PMPCB: variants seen among roughly 807,000 people sequenced by gnomAD.
The protein encoded by PMPCB is mitochondrial-processing peptidase subunit beta.
Under a neutral mutation model 61.5 loss-of-function variants are expected in PMPCB, and 46 were observed. The observed-to-expected ratio is 0.75, with a 90% CI of 0.59 to 0.96. The LOEUF (loss-of-function observed/expected upper bound fraction) is 0.96. Among genes scored for constraint, PMPCB ranks in the 40% least tolerant of loss-of-function variants. PMPCB has a pLI of 0.00. For synonymous variants in PMPCB, 191 were observed against 201.6 expected (o/e 0.95, Z 0.44); for missense variants, 590 against 602.4 (o/e 0.98, Z 0.22).
At position 103,322,536 on chromosome 7, in the gene PMPCB, C is replaced by T. The variant is rs376008208; in HGVS notation, c.*1432-6395C>T. ...TTTTTCTTTAGCTTCTTGCTCCTTC[C>T]GTTTAGCTTCTGCTTTTGCTTTCTT... On this transcript the variant is annotated intron_variant and NMD_transcript_variant, in intron 12 of 12. Coordinates refer to the PMPCB transcript ENST00000444457. 24 of 1,530,956 alleles carry T rather than the reference C, an allele frequency of 1.6e-5. No homozygotes were observed. The highest frequency in any genetic ancestry group is 1.2e-4 in the East Asian group (5 of 43,298). 94.8% of individuals were successfully genotyped at this position (1,530,956 alleles called of 1,614,324 possible).
intron 9 of PMPCB, 51 bp from the exon 10 acceptor site, chr7:103,311,592 C>G: frequency 7.5e-7 from 1 of 1,329,768 alleles, no homozygotes; most frequent in Non-Finnish European, 1.1e-6. Flanking sequence ...AGGTCATTAA[C>G]TCATGAAATA....
intron 8 of PMPCB, among the ~76,000 whole-genome samples, chr7:103,309,412 A>G (rs1473666733): frequency 2.6e-5 from 4 of 152,222 alleles, no homozygotes; most frequent in Admixed American, 2.6e-4. Context: ...CGTGGATTCA[A>G]CCAACCATAG....
downstream of PMPCB, among the ~76,000 whole-genome samples, chr7:103,315,393 C>T (rs1817992545): frequency 3.3e-5 from 5 of 152,074 alleles, no homozygotes; most frequent in Admixed American, 3.3e-4. Flanking sequence ...TTCCTTAACA[C>T]TTCTGTGTTT....
intron 4 of PMPCB, among the ~76,000 whole-genome samples, chr7:103,303,226 C>T (rs1216577440): frequency 6.6e-6 from 1 of 152,228 alleles, no homozygotes; most frequent in Non-Finnish European, 1.5e-5. Context: ...CACCCATCCT[C>T]CCATCTCAGC....
rs1817866100 is a variant in PMPCB, at chr7:103,313,350, C to CTGTT, written c.*1081_*1084dup. The CTGTT allele has an allele frequency of 8.6e-7, 1 of 1,166,170 alleles. No homozygotes were observed. Among genetic ancestry groups the CTGTT allele is most frequent in the African/African-American group, 1.6e-5 (1 of 62,862 alleles). The allele number at this position is 1,166,170 out of a possible 1,614,324, so 72.2% of individuals were successfully genotyped here. On this transcript the variant is annotated 3_prime_UTR_variant, in exon 13 of 13. Transcript: ENST00000249269. ...CACAATAGTAAAGATCTACCTTGTA[C>CTGTT]TGTTTATCTCTTAAAAATCAATGTA...
chr7:103,327,881 T>G, intron 12 of PMPCB: 1 of 567,374 alleles, frequency 1.8e-6, no homozygotes. Context: ...GTAAAATATA[T>G]GCTTATTCAA....
At chr7:103,330,184 A>G (rs1391380663), downstream of PMPCB, among the ~76,000 whole-genome samples, 2 of 152,154 alleles carry the variant, frequency 1.3e-5, no homozygotes, top group African/African-American at 4.8e-5. Flanking sequence ...CTGAGCTATA[A>G]TTTTGCTATA....
In PMPCB at chr7:103,309,095, G is replaced by A. The variant is rs1475050783; in HGVS notation, c.993G>A (p.Met331Ile). 1 of 1,583,274 alleles carries A rather than the reference G, an allele frequency of 6.3e-7. No homozygotes were observed. Among genetic ancestry groups the A allele is most frequent in the East Asian group, 2.3e-5 (1 of 43,986 alleles). Residue 331 changes from methionine to isoleucine, a missense_variant and splice_region_variant, in exon 8 of 13, where the codon ATG (methionine) becomes ATA (isoleucine). By Grantham distance (10) the Met-to-Ile change is conservative. Transcript: ENST00000249269. ...GNWDRSFGGG[M>I]NLSSKLAQLT... is the part of the protein sequence containing the mutation. ...GGGATCGCTCTTTTGGGGGAGGAAT[G>A]GTAAGTGATTTTAAAAGAAATTTTC...
chr7:103,339,516 A>C, the PMPCB span, among the ~76,000 whole-genome samples: 1 of 151,972 alleles, frequency 6.6e-6, no homozygotes, highest in Non-Finnish European at 1.5e-5. Flanking sequence ...ATCACTCTTC[A>C]TTCACTGTAA....
rs1046379688 is a variant in PMPCB, at chr7:103,314,567, T to A, written c.*2296T>A. Reference sequence around the variant, plus strand: ...GACTAGTGTGCTAATACCTGTTGTATTTTGTGGAGATAAAGGTGCAGGAGA... The same window carrying A: ...GACTAGTGTGCTAATACCTGTTGTAATTTGTGGAGATAAAGGTGCAGGAGA... On this transcript the variant is annotated 3_prime_UTR_variant, in exon 13 of 13. Transcript: ENST00000249269. The A allele has an allele frequency of 1.0e-6, 1 of 985,254 alleles. No homozygotes were observed. Among genetic ancestry groups the A allele is most frequent in the African/African-American group, 1.7e-5 (1 of 57,228 alleles). The allele number at this position is 985,254 out of a possible 1,614,324, so 61.0% of individuals were successfully genotyped here. A position where few individuals can be genotyped will look rare whatever the true frequency, so the allele number is the denominator to read the frequency against.
downstream of PMPCB, among the ~76,000 whole-genome samples, chr7:103,318,291 G>C (rs536680449): frequency 1.3e-5 from 2 of 152,204 alleles, no homozygotes; most frequent in South Asian, 4.1e-4. Flanking sequence ...TCAGCCTCCT[G>C]AGAAGTTGGG....
At chr7:103,333,734 G>A (rs957015101), downstream of PMPCB, among the ~76,000 whole-genome samples, 4 of 152,190 alleles carry the variant, frequency 2.6e-5, no homozygotes, top group Non-Finnish European at 5.9e-5. Context: ...TGAGCTTCAA[G>A]TAGATGTAAC....
intron 8 of PMPCB, among the ~76,000 whole-genome samples, chr7:103,310,024 A>G (rs1298387069): frequency 6.6e-6 from 1 of 152,242 alleles, no homozygotes; most frequent in African/African-American, 2.4e-5. Context: ...CAAGAGTCCT[A>G]GAAATTGGGT....
intron 6 of PMPCB, 107 bp downstream of exon 6, chr7:103,304,597 G>C (rs1398625306): frequency 1.3e-6 from 1 of 760,780 alleles, no homozygotes; most frequent in African/African-American, 1.7e-5. Flanking sequence ...CATTTACATA[G>C]CAAATAACTG....
downstream of PMPCB, among the ~76,000 whole-genome samples, chr7:103,314,995 GAC>G (rs1057265779): frequency 2.6e-5 from 4 of 151,998 alleles, no homozygotes; most frequent in Non-Finnish European, 4.4e-5. Context: ...CCTAAACAAA[GAC>G]ACACGTGATC....
downstream of PMPCB, among the ~76,000 whole-genome samples, chr7:103,333,649 T>C (rs60243432): frequency 1.3e-3 from 200 of 152,300 alleles, 7 homozygotes; most frequent in East Asian, 0.036. Flanking sequence ...CCTTGTACCC[T>C]TTTCCACTGG....
intron 4 of PMPCB, among the ~76,000 whole-genome samples, chr7:103,302,031 A>G (rs961164381): frequency 6.6e-6 from 1 of 152,096 alleles, no homozygotes. Flanking sequence ...ATTCCCACCT[A>G]TAAGTGAGAA....
intron 4 of PMPCB, among the ~76,000 whole-genome samples, chr7:103,302,792 A>C (rs1424724315): frequency 6.6e-6 from 1 of 152,182 alleles, no homozygotes; most frequent in Non-Finnish European, 1.5e-5. Flanking sequence ...AGTCTTGGCT[A>C]CTTGGAGGAA....
In PMPCB at chr7:103,297,821, A is replaced by G. The variant is rs1026731886; in HGVS notation, c.99+263A>G. The G allele has an allele frequency of 2.0e-6, 3 of 1,517,906 alleles. No individual in the cohort carries two copies. In the Admixed American group the frequency reaches 6.0e-5, roughly 30 times the overall value. The allele number at this position is 1,517,906 out of a possible 1,614,324, so 94.0% of individuals were successfully genotyped here. A position where few individuals can be genotyped will look rare whatever the true frequency, so the allele number is the denominator to read the frequency against. ...CCAGCTACTGAGGAGTGCATGTTTG[A>G]CCACTAAAAACGTAGTGCTTGCAAA... On this transcript the variant is annotated intron_variant, in intron 1 of 12. Coordinates refer to ENST00000249269, the MANE Select transcript of PMPCB (RefSeq NM_004279.3).
Sources: gnomAD v4.1 joint callset for allele counts (sites outside exome capture counted in the v4.1 genomes callset) on GRCh38, gnomAD v4.1.1 for gene constraint, MANE v1.5 for transcripts, NCBI Gene and HGNC (gene_info 2026-07-23, HGNC 2026-07-21) for gene names.